The following CEP128 variants were observed in gnomAD, a reference collection of about 807,000 sequenced individuals.
CEP128 encodes the protein centrosomal protein 128kDa.
CEP128 carries 132 observed loss-of-function variants against 156.7 expected under a neutral mutation model. The observed-to-expected ratio is 0.84, with a 90% CI of 0.73 to 0.97. The LOEUF (loss-of-function observed/expected upper bound fraction) is 0.97. Ranked by LOEUF, CEP128 falls within the 50% of genes least tolerant of loss-of-function variation. CEP128 has a pLI of 0.00. For synonymous variants in CEP128, 469 were observed against 448.9 expected, an observed-to-expected ratio of 1.04 and a Z score of -0.57; for missense variants, 1,252 against 1,281.9, an observed-to-expected ratio of 0.98 and a Z score of 0.36.
intron 21 of CEP128, among the ~76,000 whole-genome samples, chr14:80,557,301 G>T (rs777168463): frequency 6.6e-6 from 1 of 152,140 alleles, no homozygotes; most frequent in Non-Finnish European, 1.5e-5. Context: ...AGCAATCGTG[G>T]TAACGATAAC....
At chr14:80,508,869 T>C (rs1888111054) in intron 23 of CEP128, among the ~76,000 whole-genome samples, 1 of 152,196 alleles carries the variant, frequency 6.6e-6, no homozygotes, top group Non-Finnish European at 1.5e-5. Flanking sequence ...ATTAATCTGA[T>C]TTCACACTGT....
At chr14:80,587,247 A>G (rs1011495287) in intron 19 of CEP128, among the ~76,000 whole-genome samples, 1 of 152,172 alleles carries the variant, frequency 6.6e-6, no homozygotes, top group Non-Finnish European at 1.5e-5. Context: ...ATATACCGCA[A>G]TGAGTTAAGA....
chr14:80,931,963 C>T (rs1405003043), intron 2 of CEP128, among the ~76,000 whole-genome samples: 2 of 152,158 alleles, frequency 1.3e-5, no homozygotes, highest in South Asian at 2.1e-4. Flanking sequence ...TTGTAGTTCT[C>T]GTAATCCCCA....
At chr14:80,696,652 T>C (rs1896901107) in intron 19 of CEP128, among the ~76,000 whole-genome samples, 2 of 152,164 alleles carry the variant, frequency 1.3e-5, no homozygotes, top group East Asian at 3.8e-4. Context: ...GACTGAAAAG[T>C]GACCTTTGTA....
At chr14:80,530,614 T>C (rs1315375030) in intron 22 of CEP128, among the ~76,000 whole-genome samples, 195 bp downstream of exon 22, 3 of 152,206 alleles carry the variant, frequency 2.0e-5, no homozygotes, top group African/African-American at 7.2e-5. Flanking sequence ...TCCTATCTTG[T>C]GCTAATACAT....
chr14:80,488,031 CAGAACTGA>C (rs1887208352), downstream of CEP128, among the ~76,000 whole-genome samples: 1 of 149,158 alleles, frequency 6.7e-6, no homozygotes, highest in Non-Finnish European at 1.5e-5. Context: ...AAAATCAGAG[CAGAACTGA>C]AGGAAATAGA....
chr14:80,566,264 A>G (rs1429100947), intron 20 of CEP128, among the ~76,000 whole-genome samples: 2 of 152,262 alleles, frequency 1.3e-5, no homozygotes, highest in South Asian at 4.1e-4. Context: ...AATAAACCCT[A>G]TAGAATGAAA....
chr14:80,646,640 T>C (rs1171763875), intron 19 of CEP128, among the ~76,000 whole-genome samples: 1 of 151,996 alleles, frequency 6.6e-6, no homozygotes, highest in Non-Finnish European at 1.5e-5. Flanking sequence ...CATTCAATAC[T>C]ACATACAATA....
intron 13 of CEP128, among the ~76,000 whole-genome samples, chr14:80,814,479 T>C (rs1398880746): frequency 1.1e-5 from 1 of 89,942 alleles, no homozygotes; most frequent in Non-Finnish European, 2.2e-5. Context: ...CACCATTATT[T>C]GGTTAAAAAA....
intron 8 of CEP128, among the ~76,000 whole-genome samples, chr14:80,872,348 G>A (rs930640762): frequency 2.6e-5 from 4 of 152,002 alleles, no homozygotes; most frequent in Admixed American, 6.6e-5. Flanking sequence ...CCTTCCAATG[G>A]ACAATTTGAC....
At chr14:80,517,964 C>T (rs1888568092) in intron 23 of CEP128, among the ~76,000 whole-genome samples, 1 of 151,906 alleles carries the variant, frequency 6.6e-6, no homozygotes, top group African/African-American at 2.4e-5. Flanking sequence ...AAGTCAGTGG[C>T]AGGTCTGTGA....
intron 21 of CEP128, among the ~76,000 whole-genome samples, chr14:80,554,430 T>C (rs1890342480): frequency 6.6e-6 from 1 of 152,164 alleles, no homozygotes; most frequent in Non-Finnish European, 1.5e-5. Flanking sequence ...AAGAGTTTTA[T>C]AAAACTGAAA....
chr14:80,742,715 C>T, intron 19 of CEP128: 1 of 229,408 alleles, frequency 4.4e-6, no homozygotes, highest in East Asian at 1.2e-4. Flanking sequence ...TCCTCTGTAC[C>T]TAGAATAGTG....
intron 21 of CEP128, among the ~76,000 whole-genome samples, chr14:80,542,568 T>A (rs1218182017): frequency 6.6e-6 from 1 of 152,112 alleles, no homozygotes; most frequent in Non-Finnish European, 1.5e-5. Context: ...GAGAACCAAG[T>A]CTTCTGTGGA....
intron 19 of CEP128, among the ~76,000 whole-genome samples, chr14:80,696,080 C>T (rs1336492890): frequency 6.6e-6 from 1 of 151,904 alleles, no homozygotes; most frequent in Non-Finnish European, 1.5e-5. Context: ...GAAACTAAAA[C>T]GCGGTAGAGG....
intron 21 of CEP128, among the ~76,000 whole-genome samples, chr14:80,546,886 CAT>C (rs1890009516): frequency 6.6e-6 from 1 of 152,116 alleles, no homozygotes; most frequent in African/African-American, 2.4e-5. Context: ...GTAATTGGGG[CAT>C]ATGATAGGAT....
chr14:80,840,809 T>C (rs1178010072), intron 9 of CEP128, 41 bp from the exon 10 acceptor site: 3 of 1,226,158 alleles, frequency 2.4e-6, no homozygotes, highest in Non-Finnish European at 1.2e-6. Flanking sequence ...CCAAAATATG[T>C]ACAAAACTGA....
intron 13 of CEP128, among the ~76,000 whole-genome samples, chr14:80,820,292 T>C (rs550609689): frequency 6.6e-6 from 1 of 152,352 alleles, no homozygotes; most frequent in South Asian, 2.1e-4. Context: ...ATATGCCAGT[T>C]AGTTTGATTG....
intron 19 of CEP128, among the ~76,000 whole-genome samples, chr14:80,632,621 A>T (rs1894008710): frequency 1.3e-5 from 2 of 151,118 alleles, no homozygotes; most frequent in South Asian, 4.2e-4. Flanking sequence ...TCACTATAAC[A>T]GTTTTTTAGT....
Sources: gnomAD v4.1 joint callset for allele counts (sites outside exome capture counted in the v4.1 genomes callset) on GRCh38, gnomAD v4.1.1 for gene constraint, MANE v1.5 for transcripts, NCBI Gene and HGNC (gene_info 2026-07-23, HGNC 2026-07-21) for gene names.